CSMD1: variants seen among roughly 807,000 people sequenced by gnomAD.
CSMD1 encodes the protein CUB and sushi domain-containing protein 1.
CSMD1 carries 213 observed loss-of-function variants against 417.5 expected under a neutral mutation model. The ratio of observed to expected loss-of-function variants is 0.51; its 90% confidence interval spans 0.46 to 0.57. The LOEUF (loss-of-function observed/expected upper bound fraction) is 0.57. Ranked by LOEUF, CSMD1 falls within the 20% of genes least tolerant of loss-of-function variation. The probability of loss-of-function intolerance (pLI) is 0.00; values close to 1 mark genes in which losing one functional copy is unlikely to be tolerated. For missense variants in CSMD1, 6,923 were observed against 4,529.7 expected, an observed-to-expected ratio of 1.53 and a Z score of -15.17; for synonymous variants, 2,862 against 1,736.8, an observed-to-expected ratio of 1.65 and a Z score of -16.11.
chr8:4,318,771 T>A (rs1038268661), intron 3 of CSMD1, among the ~76,000 whole-genome samples: 2 of 150,566 alleles, frequency 1.3e-5, no homozygotes, highest in African/African-American at 2.4e-5. Flanking sequence ...ATAGATACCA[T>A]ATATTGGCAT....
intron 1 of CSMD1, among the ~76,000 whole-genome samples, chr8:4,949,874 T>C (rs570302862): frequency 6.6e-6 from 1 of 152,190 alleles, no homozygotes; most frequent in East Asian, 1.9e-4. Context: ...TCAAAAGTAA[T>C]TGCCTGGCAA....
At chr8:4,312,085 A>G (rs1291252775) in intron 3 of CSMD1, among the ~76,000 whole-genome samples, 2 of 152,136 alleles carry the variant, frequency 1.3e-5, no homozygotes, top group Non-Finnish European at 2.9e-5. Context: ...ATGTGTGTCA[A>G]TTTCCAGGAG....
chr8:4,801,672 A>G (rs956437984), intron 1 of CSMD1, among the ~76,000 whole-genome samples: 1 of 152,106 alleles, frequency 6.6e-6, no homozygotes, highest in African/African-American at 2.4e-5. Flanking sequence ...AGCCTGTCCA[A>G]TAATGGAGCC....
intron 1 of CSMD1, among the ~76,000 whole-genome samples, chr8:4,724,080 T>C (rs1048138740): frequency 6.6e-6 from 1 of 152,164 alleles, no homozygotes; most frequent in African/African-American, 2.4e-5. Flanking sequence ...ACAATCTATA[T>C]GCACTTAAGT....
At chr8:3,169,369 T>C (rs1585541189) in intron 37 of CSMD1, among the ~76,000 whole-genome samples, 1 of 151,438 alleles carries the variant, frequency 6.6e-6, no homozygotes, top group African/African-American at 2.4e-5. Context: ...AAGAAAACAA[T>C]GGAGTGAAAA....
At chr8:3,941,121 TC>T (rs1363577079) in intron 5 of CSMD1, among the ~76,000 whole-genome samples, 1 of 152,018 alleles carries the variant, frequency 6.6e-6, no homozygotes, top group East Asian at 1.9e-4. Context: ...TAAAAATAAC[TC>T]ATATGTATAC....
intron 1 of CSMD1, among the ~76,000 whole-genome samples, chr8:4,958,918 A>G (rs899770034): frequency 1.3e-5 from 2 of 152,178 alleles, no homozygotes; most frequent in Non-Finnish European, 2.9e-5. Flanking sequence ...TATTTTTAGA[A>G]AAAAATATAA....
intron 7 of CSMD1, among the ~76,000 whole-genome samples, chr8:3,655,471 C>G (rs1052209825): frequency 6.6e-6 from 1 of 152,064 alleles, no homozygotes; most frequent in Admixed American, 6.6e-5. Flanking sequence ...TAATGACAAA[C>G]AATAGTATCA....
intron 17 of CSMD1, among the ~76,000 whole-genome samples, chr8:3,393,863 T>A (rs1259972354): frequency 6.6e-6 from 1 of 150,840 alleles, no homozygotes; most frequent in Admixed American, 6.6e-5. Flanking sequence ...GGGGCAGGGA[T>A]AGCATTAGGA....
At chr8:4,128,969 G>A (rs1427024180) in intron 3 of CSMD1, among the ~76,000 whole-genome samples, 2 of 150,764 alleles carry the variant, frequency 1.3e-5, no homozygotes, top group African/African-American at 4.9e-5. Context: ...CCAGCTACTT[G>A]GGAAGCTGAG....
rs372666861 is a variant in CSMD1 at position 3,808,186 on chromosome 8, T to C, written c.819-54144A>G. On this transcript the variant is annotated intron_variant, in intron 5 of 69. Coordinates refer to ENST00000635120, the MANE Select transcript of CSMD1 (RefSeq NM_033225.6). ...TTAAAAAAATGTAACCTATTAAAAT[T>C]GTTTTTGCAAAAACATCTGTGATCT... 1.3e-4 allele frequency among the ~76,000 whole-genome samples: 20 copies of C among 152,352 alleles called. No homozygotes were observed. The East Asian group carries it at 3.9e-3, about 29-fold the overall frequency.
At chr8:4,148,026 G>A (rs867855288) in intron 3 of CSMD1, among the ~76,000 whole-genome samples, 73 of 152,188 alleles carry the variant, frequency 4.8e-4, no homozygotes, top group African/African-American at 1.7e-3. Context: ...GTTTCCCATA[G>A]TCTGTTCTAT....
intron 10 of CSMD1, among the ~76,000 whole-genome samples, chr8:3,536,796 G>A (rs74554451): frequency 0.011 from 1,673 of 152,232 alleles, 25 homozygotes; most frequent in African/African-American, 0.038. Flanking sequence ...CTTCAGCACC[G>A]GGAATGCTGT....
At chr8:3,307,279 C>G (rs918321217) in intron 25 of CSMD1, among the ~76,000 whole-genome samples, 8 of 151,606 alleles carry the variant, frequency 5.3e-5, no homozygotes, top group Non-Finnish European at 1.0e-4. Flanking sequence ...GGAACAGAAG[C>G]CTGGTGTGCA....
intron 2 of CSMD1, among the ~76,000 whole-genome samples, chr8:4,446,921 G>A (rs111454145): frequency 9.4e-5 from 14 of 149,158 alleles, no homozygotes; most frequent in African/African-American, 3.5e-4. Flanking sequence ...GCGCCTGGCA[G>A]AGACCGTGTT....
intron 57 of CSMD1, among the ~76,000 whole-genome samples, chr8:2,971,105 A>G (rs1030202665): frequency 6.6e-6 from 1 of 152,366 alleles, no homozygotes; most frequent in Admixed American, 6.5e-5. Context: ...ATTCTCTTAC[A>G]TAACCATAAT....
Position 3,674,530 on chromosome 8 carries a change from CAAT to C in CSMD1, c.1009+33881_1009+33883del, listed in dbSNP as rs1377563491. Among the ~76,000 whole-genome samples, 63 of 152,128 alleles carry C rather than the reference CAAT, an allele frequency of 4.1e-4. 1 individual carries two copies. The highest frequency in any genetic ancestry group is 1.5e-3 in the African/African-American group (61 of 41,508). Reference sequence around the variant, plus strand: ...TACCGTGAATCATTAGATAATTTAACAATATTATTAATTAAATGCTTACTATGT... The same window carrying C: ...TACCGTGAATCATTAGATAATTTAACATTATTAATTAAATGCTTACTATGT... On this transcript the variant is annotated intron_variant, in intron 7 of 69. Transcript: ENST00000635120.
chr8:3,602,143 AT>A lies in CSMD1; in HGVS notation c.1097+14566del, dbSNP rs1389175599. Among the ~76,000 whole-genome samples the A allele has an allele frequency of 2.0e-5, 3 of 152,324 alleles. No individual in the cohort carries two copies. In the East Asian group the frequency reaches 5.8e-4, roughly 29 times the overall value. ...ACACTTAAAATGGTCAGGATGCTAA[AT>A]TCTATATTATGTGGATTTTATCACA... On this transcript the variant is annotated intron_variant, in intron 8 of 69. Coordinates refer to ENST00000635120, the MANE Select transcript of CSMD1 (RefSeq NM_033225.6).
intron 7 of CSMD1, among the ~76,000 whole-genome samples, chr8:3,642,198 G>A (rs1224793500): frequency 6.6e-6 from 1 of 151,318 alleles, no homozygotes. Context: ...ATATATAGAA[G>A]ATGATGTATA....
Sources: allele counts gnomAD v4.1 joint callset (sites outside exome capture counted in the v4.1 genomes callset), GRCh38; gene constraint gnomAD v4.1.1; transcripts MANE v1.5; gene names NCBI Gene and HGNC (gene_info 2026-07-23, HGNC 2026-07-21).